Variants in SNX29 observed in about 807,000 individuals in gnomAD.
SNX29 encodes the protein sorting nexin-29.
Under a neutral mutation model 102.1 loss-of-function variants are expected in SNX29, and 78 were observed. The observed-to-expected ratio is 0.76, with a 90% confidence interval of 0.64 to 0.92. The LOEUF (loss-of-function observed/expected upper bound fraction) is 0.92. SNX29 is among the 40% of genes least tolerant of loss of function. SNX29 has a pLI of 0.00. For missense variants in SNX29, 1,280 were observed against 1,061.7 expected (o/e 1.21, Z -2.86); for synonymous variants, 580 against 414.5 (o/e 1.40, Z -4.85).
rs2050332542 is a variant in SNX29, at chr16:12,052,148, G to A, written c.1050G>A (p.Val350=). 2 of 1,613,806 alleles carry A rather than the reference G, an allele frequency of 1.2e-6. No homozygotes were observed. The highest frequency in any genetic ancestry group is 1.3e-5 in the African/African-American group (1 of 74,912). The change falls in exon 8 of 21, where the codon GTG becomes GTA. Residue 350 remains valine (V), a synonymous_variant. Transcript: ENST00000566228. ...LDVKSIDDED[V]DENEDDVYGN... ...TGAAAAGCATCGATGATGAAGATGTGGATGAAAACGAAGATGACGTGTATG... is the reference window on the plus strand; with the variant it reads ...TGAAAAGCATCGATGATGAAGATGTAGATGAAAACGAAGATGACGTGTATG...
chr16:12,048,372 G>A lies in SNX29; in HGVS notation c.500G>A (p.Gly167Asp). Residue 167 changes from glycine to aspartate, a missense_variant and splice_region_variant, in exon 7 of 21, where the codon GGT becomes GAT. Physicochemically the swap from Gly to Asp is moderately conservative, Grantham distance 94. Coordinates refer to ENST00000566228, the MANE Select transcript of SNX29 (RefSeq NM_032167.5). ...CAGACTTTTCCCTTTTTTTGGGCAG[G>A]TCTGAACTCCATACTCTTTGCGATT... Reference protein sequence around the residue: ...RSSMLPTMAAGLNSILFAINI... With the variant: ...RSSMLPTMAADLNSILFAINI... The A allele has an allele frequency of 6.2e-7, 1 of 1,613,790 alleles. No homozygotes were observed. Among genetic ancestry groups the A allele is most frequent in the Non-Finnish European group, 8.5e-7 (1 of 1,179,822 alleles).
At chr16:12,414,560 T>C (rs1162504817) in intron 18 of SNX29, among the ~76,000 whole-genome samples, 1 of 152,142 alleles carries the variant, frequency 6.6e-6, no homozygotes, top group East Asian at 1.9e-4. Context: ...ATTCCCCCGG[T>C]CTCTTTCCTT....
chr16:12,418,171 A>G (rs1161442473), intron 18 of SNX29, among the ~76,000 whole-genome samples: 1 of 152,210 alleles, frequency 6.6e-6, no homozygotes, highest in Non-Finnish European at 1.5e-5. Flanking sequence ...GTTGTAGTAC[A>G]GATTTAAAAT....
intron 15 of SNX29, among the ~76,000 whole-genome samples, chr16:12,336,986 C>G (rs1350420947): frequency 6.6e-6 from 1 of 152,156 alleles, no homozygotes; most frequent in Non-Finnish European, 1.5e-5. Context: ...CCACAAGAAG[C>G]CTTGGAAGGC....
intron 11 of SNX29, among the ~76,000 whole-genome samples, chr16:12,119,629 C>T (rs1219322774): frequency 6.6e-6 from 1 of 152,240 alleles, no homozygotes; most frequent in Non-Finnish European, 1.5e-5. Flanking sequence ...ACTGGGAGAA[C>T]TGCCAGAGGC....
intron 13 of SNX29, among the ~76,000 whole-genome samples, chr16:12,161,949 G>T (rs62038332): frequency 3.3e-5 from 5 of 152,196 alleles, no homozygotes; most frequent in Admixed American, 2.0e-4. Flanking sequence ...TTCCTGATGA[G>T]CAATGCAAAA....
At chr16:12,116,950 CAGG>C (rs2053736018) in intron 11 of SNX29, among the ~76,000 whole-genome samples, 1 of 151,752 alleles carries the variant, frequency 6.6e-6, no homozygotes, top group Admixed American at 6.6e-5. Context: ...ACCATGGAAA[CAGG>C]AGTGGTCAAT....
chr16:12,225,524 CCTT>C (rs2077587469), intron 14 of SNX29, among the ~76,000 whole-genome samples: 2 of 152,318 alleles, frequency 1.3e-5, no homozygotes, highest in African/African-American at 4.8e-5. Flanking sequence ...ATTTGCTCCT[CCTT>C]CTGCCATGAT....
chr16:12,277,763 A>C (rs551214660), intron 14 of SNX29, among the ~76,000 whole-genome samples, 170 bp from the exon 15 acceptor site: 7 of 152,184 alleles, frequency 4.6e-5, no homozygotes, highest in African/African-American at 1.7e-4. Flanking sequence ...TATTGTACTT[A>C]GGTGAAAATG....
At chr16:12,532,176 C>T (rs1018221277) in intron 20 of SNX29, among the ~76,000 whole-genome samples, 1 of 152,196 alleles carries the variant, frequency 6.6e-6, no homozygotes, top group Admixed American at 6.5e-5. Context: ...CTGTCTACTG[C>T]AAACAATGAA....
At chr16:12,095,472 G>A (rs529143132) in intron 11 of SNX29, among the ~76,000 whole-genome samples, 45 of 152,280 alleles carry the variant, frequency 3.0e-4, no homozygotes, top group Non-Finnish European at 3.4e-4. Context: ...GTGAGGTCGC[G>A]AGTGGTGGTG....
chr16:12,133,517 C>G (rs2054551625), intron 13 of SNX29, among the ~76,000 whole-genome samples: 1 of 152,064 alleles, frequency 6.6e-6, no homozygotes, highest in Non-Finnish European at 1.5e-5. Context: ...TTTCAAACTC[C>G]TGGGCTCAAG....
intron 19 of SNX29, among the ~76,000 whole-genome samples, chr16:12,514,568 A>C (rs189088711): frequency 6.2e-4 from 95 of 152,272 alleles, no homozygotes; most frequent in Non-Finnish European, 1.0e-3. Context: ...GGGAACATGA[A>C]AAAGCCCCTC....
chr16:12,266,446 A>G (rs1596686378), intron 14 of SNX29, among the ~76,000 whole-genome samples: 1 of 152,112 alleles, frequency 6.6e-6, no homozygotes, highest in Non-Finnish European at 1.5e-5. Context: ...CTTCCAACCA[A>G]CCAGCCCCTC....
intron 5 of SNX29, among the ~76,000 whole-genome samples, chr16:12,045,530 A>G (rs541194620): frequency 5.9e-5 from 9 of 151,866 alleles, no homozygotes; most frequent in East Asian, 5.8e-4. Context: ...ACTGCCATCT[A>G]TATTTGTGGG....
chr16:12,283,339 G>C (rs1274359062), intron 15 of SNX29, among the ~76,000 whole-genome samples: 1 of 119,838 alleles, frequency 8.3e-6, no homozygotes, highest in Non-Finnish European at 1.7e-5. Flanking sequence ...TTTCTTTTTT[G>C]AGACAGAGCC....
chr16:12,545,704 TGGGTGG>T (rs2077565802), intron 20 of SNX29: 2 of 152,216 alleles, frequency 1.3e-5, no homozygotes, highest in Non-Finnish European at 2.9e-5. Context: ...TGGTGCAAGG[TGGGTGG>T]CCAGAGACGA....
chr16:12,453,672 C>T lies in SNX29; in HGVS notation c.2038-24047C>T, dbSNP rs570323631. Among the ~76,000 whole-genome samples, 9 of 152,208 alleles carry T rather than the reference C, an allele frequency of 5.9e-5. No individual in the cohort carries two copies. The South Asian group carries it at 6.2e-4, about 11-fold the overall frequency. On this transcript the variant is annotated intron_variant, in intron 18 of 20. Coordinates refer to ENST00000566228, the MANE Select transcript of SNX29 (RefSeq NM_032167.5). ...CTGGGATTAGAGGCATGAGCCACCT[C>T]GCTGGCCCTCAGTAATTGTTCCTTT... is the stretch of plus-strand genomic sequence containing the variant.
At chr16:12,100,318 C>T (rs971940233) in intron 11 of SNX29, among the ~76,000 whole-genome samples, 2 of 152,142 alleles carry the variant, frequency 1.3e-5, no homozygotes, top group Non-Finnish European at 2.9e-5. Flanking sequence ...CTGGCCTCTA[C>T]GCACTAGTTG....
Sources: gnomAD v4.1 joint callset for allele counts (sites outside exome capture counted in the v4.1 genomes callset) on GRCh38, gnomAD v4.1.1 for gene constraint, MANE v1.5 for transcripts, NCBI Gene and HGNC (gene_info 2026-07-23, HGNC 2026-07-21) for gene names.